Variants in PPARGC1A observed in about 807,000 individuals in gnomAD.
PPARGC1A encodes the protein PPARG coactivator 1 alpha.
Under a neutral mutation model 88.7 loss-of-function variants are expected in PPARGC1A, and 25 were observed. The observed-to-expected ratio is 0.28, with a 90% CI of 0.21 to 0.39. The LOEUF (loss-of-function observed/expected upper bound fraction) is 0.39. PPARGC1A is among the 10% of genes least tolerant of loss of function. The pLI, the probability that PPARGC1A is intolerant of heterozygous loss-of-function variation, is 1.00. For synonymous variants in PPARGC1A, 363 were observed against 355.6 expected (o/e 1.02, Z -0.24); for missense variants, 880 against 968.7 (o/e 0.91, Z 1.22).
chr4:24,387,522 G>A, the PPARGC1A span, among the ~76,000 whole-genome samples: 973 of 152,038 alleles, frequency 6.4e-3, 7 homozygotes, highest in African/African-American at 0.022. Flanking sequence ...TCAAGTGATC[G>A]AGACCATCCT....
the PPARGC1A span, among the ~76,000 whole-genome samples, chr4:24,187,569 T>C: frequency 6.6e-6 from 1 of 152,320 alleles, no homozygotes; most frequent in East Asian, 1.9e-4. Flanking sequence ...AAATCTTTGG[T>C]TTCAGTATCT....
the PPARGC1A span, among the ~76,000 whole-genome samples, chr4:24,170,663 G>A: frequency 6.6e-6 from 1 of 152,140 alleles, no homozygotes; most frequent in East Asian, 1.9e-4. Flanking sequence ...CCTTCACTCA[G>A]ACATTCCATC....
At chr4:24,073,240 T>C in the PPARGC1A span, among the ~76,000 whole-genome samples, 1 of 151,984 alleles carries the variant, frequency 6.6e-6, no homozygotes, top group Non-Finnish European at 1.5e-5. Context: ...GATGGGCTTT[T>C]CCCATGTTGA....
At chr4:24,075,480 T>C in the PPARGC1A span, among the ~76,000 whole-genome samples, 1 of 152,192 alleles carries the variant, frequency 6.6e-6, no homozygotes, top group East Asian at 1.9e-4. Flanking sequence ...CCTTATAATA[T>C]GCTGCTACTG....
the PPARGC1A span, among the ~76,000 whole-genome samples, chr4:24,461,610 CGTGT>C: frequency 3.3e-5 from 5 of 150,250 alleles, no homozygotes; most frequent in Admixed American, 6.6e-5. Flanking sequence ...TCGTGTCTAT[CGTGT>C]GTGTGTGTGT....
chr4:24,285,134 T>C, the PPARGC1A span, among the ~76,000 whole-genome samples: 1 of 152,186 alleles, frequency 6.6e-6, no homozygotes, highest in Admixed American at 6.5e-5. Context: ...GAACTTTGCA[T>C]TGATAAAGTT....
At chr4:24,258,327 C>G in the PPARGC1A span, 2 of 287,756 alleles carry the variant, frequency 7.0e-6, no homozygotes, top group Non-Finnish European at 1.0e-5. Context: ...TACTGAAAGG[C>G]AATAAGGTTT....
chr4:23,820,740 A>T (rs921705728), intron 7 of PPARGC1A: 6 of 252,824 alleles, frequency 2.4e-5, no homozygotes, highest in South Asian at 2.3e-4. Flanking sequence ...CAAACTTCCT[A>T]TCTCATCCCT....
the PPARGC1A span, among the ~76,000 whole-genome samples, chr4:24,021,199 T>C: frequency 6.6e-6 from 1 of 152,194 alleles, no homozygotes; most frequent in Non-Finnish European, 1.5e-5. Flanking sequence ...CTGCGGACTG[T>C]GCAGCTGCCT....
chr4:24,344,412 CT>C, the PPARGC1A span, among the ~76,000 whole-genome samples: 41 of 149,540 alleles, frequency 2.7e-4, no homozygotes, highest in East Asian at 5.5e-3. Context: ...CCAACATCTA[CT>C]TTTTTTTTTA....
chr4:23,863,253 C>T (rs568342122), intron 2 of PPARGC1A, among the ~76,000 whole-genome samples: 1 of 152,284 alleles, frequency 6.6e-6, no homozygotes, highest in South Asian at 2.1e-4. Context: ...CCTCACCAGG[C>T]CCCTGGTTGC....
chr4:24,377,734 T>A, the PPARGC1A span, among the ~76,000 whole-genome samples: 1 of 152,166 alleles, frequency 6.6e-6, no homozygotes, highest in Non-Finnish European at 1.5e-5. Context: ...AGGTATGTAA[T>A]AAGTGGGGGA....
At chr4:23,910,130 A>T in the PPARGC1A span, among the ~76,000 whole-genome samples, 3 of 129,798 alleles carry the variant, frequency 2.3e-5, no homozygotes, top group African/African-American at 8.6e-5. Context: ...TATATATATA[A>T]AAAATATATA....
the PPARGC1A span, among the ~76,000 whole-genome samples, chr4:24,355,567 G>A: frequency 6.6e-6 from 1 of 152,044 alleles, no homozygotes; most frequent in Non-Finnish European, 1.5e-5. Context: ...TGAGAAAGAA[G>A]AAAAGCTTAC....
chr4:24,326,754 C>T, the PPARGC1A span, among the ~76,000 whole-genome samples: 14 of 152,240 alleles, frequency 9.2e-5, no homozygotes, highest in African/African-American at 3.1e-4. Flanking sequence ...ATGTTTAGTG[C>T]GGTCAGAATT....
the PPARGC1A span, among the ~76,000 whole-genome samples, chr4:24,334,186 C>T: frequency 6.6e-6 from 1 of 152,054 alleles, no homozygotes; most frequent in Admixed American, 6.6e-5. Flanking sequence ...CCATGTAATG[C>T]CAATGCTACT....
In PPARGC1A at chr4:23,814,024, T is replaced by C. The variant is rs928494152; in HGVS notation, c.1459A>G (p.Ser487Gly). The C allele has an allele frequency of 2.5e-5, 40 of 1,613,974 alleles. No homozygotes were observed. Among genetic ancestry groups the C allele is most frequent in the Non-Finnish European group, 3.1e-5 (36 of 1,179,968 alleles). ...EADKTGELRDSDFSNEQFSKL... is the reference protein window; with the variant it reads ...EADKTGELRDGDFSNEQFSKL... ...GAGAATTGTTCATTACTGAAATCACTGTCCCTCAGTTCACCGGTCTTGTCT... is the reference window on the plus strand; with the variant it reads ...GAGAATTGTTCATTACTGAAATCACCGTCCCTCAGTTCACCGGTCTTGTCT... Residue 487 changes from serine to glycine, a missense_variant, in exon 8 of 13, where the codon AGT (serine) becomes GGT (glycine). Ser to Gly is a moderately conservative substitution (Grantham distance 56). Coordinates refer to ENST00000264867, the MANE Select transcript of PPARGC1A (RefSeq NM_013261.5).
At chr4:23,884,591 C>A in intron 2 of PPARGC1A, 161 bp downstream of exon 2, 1 of 544,798 alleles carries the variant, frequency 1.8e-6, no homozygotes, top group South Asian at 6.4e-5. Flanking sequence ...ATTTGTTTTC[C>A]AAATGCTGTT....
At chr4:24,006,597 T>G in the PPARGC1A span, among the ~76,000 whole-genome samples, 2 of 152,196 alleles carry the variant, frequency 1.3e-5, no homozygotes, top group South Asian at 2.1e-4. Context: ...GGACAGCTTT[T>G]TGGAAAACAT....
Sources: gnomAD v4.1 joint callset for allele counts (sites outside exome capture counted in the v4.1 genomes callset) on GRCh38, gnomAD v4.1.1 for gene constraint, MANE v1.5 for transcripts, NCBI Gene and HGNC (gene_info 2026-07-23, HGNC 2026-07-21) for gene names.